Variants in AXDND1 observed in about 807,000 individuals in gnomAD.
The protein encoded by AXDND1 is axonemal dynein light chain domain containing 1.
A neutral mutation model predicts 137.5 loss-of-function variants in AXDND1; 110 were observed. The ratio of observed to expected loss-of-function variants is 0.80; its 90% CI spans 0.69 to 0.94. The LOEUF is 0.94. Among genes scored for constraint, AXDND1 ranks in the 40% least tolerant of loss-of-function variants. AXDND1 has a pLI of 0.00. For missense variants in AXDND1, 1,191 were observed against 1,169.8 expected, an observed-to-expected ratio of 1.02 and a Z score of -0.26; for synonymous variants, 414 against 399.7, an observed-to-expected ratio of 1.04 and a Z score of -0.43.
At chr1:179,419,299 G>A (rs1249863089) in intron 12 of AXDND1, among the ~76,000 whole-genome samples, 13 of 151,970 alleles carry the variant, frequency 8.6e-5, no homozygotes, top group African/African-American at 3.1e-4. Context: ...CCAAGATCAC[G>A]CCACTGCACT....
intron 12 of AXDND1, among the ~76,000 whole-genome samples, chr1:179,419,265 C>T (rs1295578984): frequency 1.3e-5 from 2 of 151,924 alleles, no homozygotes; most frequent in African/African-American, 4.8e-5. Flanking sequence ...CCAAGGCAGG[C>T]GGCTGGGAGG....
intron 16 of AXDND1, among the ~76,000 whole-genome samples, chr1:179,466,426 T>A (rs1031739057): frequency 6.6e-6 from 1 of 151,452 alleles, no homozygotes; most frequent in African/African-American, 2.4e-5. Context: ...CGCTGGGCCT[T>A]AATGGTTATT....
chr1:179,487,575 G>A (rs1666223269), intron 18 of AXDND1, among the ~76,000 whole-genome samples: 1 of 148,664 alleles, frequency 6.7e-6, no homozygotes, highest in Non-Finnish European at 1.5e-5. Context: ...TTGAAGGTCT[G>A]CTTCTAAATT....
At chr1:179,414,609 T>C (rs1009629123) in intron 12 of AXDND1, among the ~76,000 whole-genome samples, 47 of 151,992 alleles carry the variant, frequency 3.1e-4, no homozygotes, top group Non-Finnish European at 1.5e-4. Context: ...GTATTTTTAG[T>C]AGAGAGGGGG....
intron 8 of AXDND1, among the ~76,000 whole-genome samples, chr1:179,384,000 C>T (rs935318132): frequency 1.3e-5 from 2 of 152,172 alleles, no homozygotes; most frequent in Non-Finnish European, 2.9e-5. Flanking sequence ...GCTGGGATTA[C>T]AGGCATGAAC....
chr1:179,432,247 T>G lies in AXDND1; in HGVS notation c.1488-20T>G. 6.6e-7 allele frequency: 1 copy of G among 1,519,568 alleles called. No individual in the cohort carries two copies. The highest frequency in any genetic ancestry group is 8.9e-7 in the Non-Finnish European group (1 of 1,129,266). The allele number at this position is 1,519,568 out of a possible 1,614,324, so 94.1% of individuals were successfully genotyped here. A position where few individuals can be genotyped will look rare whatever the true frequency, so the allele number is the denominator to read the frequency against. On this transcript the variant is annotated intron_variant, in intron 14 of 25. Transcript: ENST00000367618. ...TGTCTTGTTCTGAGATGTTTCTCTTTTTTTTTTTCTTCTTTTCAGTGAAAA... is the reference window on the plus strand; with the variant it reads ...TGTCTTGTTCTGAGATGTTTCTCTTGTTTTTTTTCTTCTTTTCAGTGAAAA...
chr1:179,493,610 G>A (rs1437488713), intron 20 of AXDND1, among the ~76,000 whole-genome samples: 1 of 152,172 alleles, frequency 6.6e-6, no homozygotes, highest in Non-Finnish European at 1.5e-5. Flanking sequence ...GGGTACAAAA[G>A]TGCAGTTAGG....
In AXDND1 at chr1:179,509,490, T is replaced by G. The variant is rs1330475831; in HGVS notation, c.2496+87T>G. The G allele has an allele frequency of 2.0e-5, 17 of 854,514 alleles. No homozygotes were observed. In the East Asian group the frequency reaches 4.6e-4, roughly 23 times the overall value. The allele number at this position is 854,514 out of a possible 1,614,324, so 52.9% of individuals were successfully genotyped here. ...GTTCACAGCTTTTTCCAATCAATGTTCTGAATCCTTGTTCATTTACCCTAA... is the reference window on the plus strand; with the variant it reads ...GTTCACAGCTTTTTCCAATCAATGTGCTGAATCCTTGTTCATTTACCCTAA... On this transcript the variant is annotated intron_variant, in intron 21 of 25. Coordinates refer to ENST00000367618, the MANE Select transcript of AXDND1 (RefSeq NM_144696.6).
At chr1:179,422,940 T>C (rs1655996665) in intron 12 of AXDND1, among the ~76,000 whole-genome samples, 1 of 152,070 alleles carries the variant, frequency 6.6e-6, no homozygotes, top group South Asian at 2.1e-4. Flanking sequence ...ATTTTTGTAT[T>C]TTTAGTAGAG....
At chr1:179,498,359 A>C (rs1016133926) in intron 20 of AXDND1, among the ~76,000 whole-genome samples, 3 of 152,078 alleles carry the variant, frequency 2.0e-5, no homozygotes, top group Non-Finnish European at 4.4e-5. Context: ...ACACCTACCA[A>C]CCATCTGATC....
In AXDND1 at chr1:179,406,660, G is replaced by T. The variant is rs1003876534; in HGVS notation, c.1110-4486G>T. On this transcript the variant is annotated intron_variant, in intron 11 of 25. Transcript: ENST00000367618. ...TGACTTAAATTCTGATTTATCTGAT[G>T]TAAGTATAAGTACTCCTGCTTGCTT... 6.6e-5 allele frequency among the ~76,000 whole-genome samples: 10 copies of T among 152,200 alleles called. No homozygotes were observed. In the Middle Eastern group the frequency reaches 0.02, roughly 311 times the overall value.
chr1:179,551,629 TG>T, intron 25 of AXDND1: 2 of 672,788 alleles, frequency 3.0e-6, no homozygotes, highest in Admixed American at 2.6e-5. Flanking sequence ...CAGATTAAAC[TG>T]TTAATCACAA....
At chr1:179,432,230 T>A in intron 14 of AXDND1, 37 bp from the exon 15 acceptor site, 1 of 1,499,318 alleles carries the variant, frequency 6.7e-7, no homozygotes, top group South Asian at 1.3e-5. Flanking sequence ...TATGTCTTGT[T>A]CTGAGATGTT....
intron 17 of AXDND1, among the ~76,000 whole-genome samples, chr1:179,475,971 G>C (rs1664575629): frequency 6.6e-6 from 1 of 152,146 alleles, no homozygotes; most frequent in Non-Finnish European, 1.5e-5. Flanking sequence ...TATGCAATAT[G>C]ATGGTTTTAT....
chr1:179,388,883 A>T (rs1160774045), intron 9 of AXDND1, among the ~76,000 whole-genome samples: 2 of 151,678 alleles, frequency 1.3e-5, no homozygotes, highest in Non-Finnish European at 2.9e-5. Flanking sequence ...GGTGTGAGCC[A>T]CTGTGCCTGG....
At chr1:179,534,636 A>G in intron 24 of AXDND1, 94 bp from the exon 25 acceptor site, 1 of 1,463,194 alleles carries the variant, frequency 6.8e-7, no homozygotes, top group South Asian at 1.5e-5. Flanking sequence ...AGACACATTC[A>G]TCTAATCTCA....
chr1:179,449,274 G>T, intron 16 of AXDND1: 1 of 331,430 alleles, frequency 3.0e-6, no homozygotes, highest in Non-Finnish European at 6.0e-6. Flanking sequence ...ACCATTTATT[G>T]AAAATAACAT....
chr1:179,496,547 C>T (rs1572081525), intron 20 of AXDND1, among the ~76,000 whole-genome samples: 1 of 151,966 alleles, frequency 6.6e-6, no homozygotes, highest in East Asian at 1.9e-4. Context: ...GTAGGATGTC[C>T]ACTGTCTCAT....
At chr1:179,546,759 T>A (rs1410586) in intron 25 of AXDND1, among the ~76,000 whole-genome samples, 2 of 152,030 alleles carry the variant, frequency 1.3e-5, no homozygotes, top group African/African-American at 4.8e-5. Flanking sequence ...CATAGTGTAC[T>A]TAAGGATCTT....
Sources: gnomAD v4.1 joint callset for allele counts (sites outside exome capture counted in the v4.1 genomes callset) on GRCh38, gnomAD v4.1.1 for gene constraint, MANE v1.5 for transcripts, NCBI Gene and HGNC (gene_info 2026-07-23, HGNC 2026-07-21) for gene names.